The following AGA variants were observed in gnomAD, a reference collection of about 807,000 sequenced individuals.
The protein encoded by AGA is N(4)-(beta-N-acetylglucosaminyl)-L-asparaginase.
Under a neutral mutation model 40.1 loss-of-function variants are expected in AGA, and 31 were observed. The ratio of observed to expected loss-of-function variants is 0.77; its 90% confidence interval spans 0.58 to 1.04. The LOEUF (loss-of-function observed/expected upper bound fraction) is 1.04. Ranked by LOEUF, AGA falls within the 50% of genes least tolerant of loss-of-function variation. AGA has a pLI of 0.00. For missense variants in AGA, 445 were observed against 435.4 expected (o/e 1.02, Z -0.20); for synonymous variants, 148 against 144.0 (o/e 1.03, Z -0.20).
chr4:177,437,327 G>C (rs942536079), intron 5 of AGA, 78 bp downstream of exon 5: 4 of 988,232 alleles, frequency 4.0e-6, no homozygotes, highest in Non-Finnish European at 6.4e-6. Flanking sequence ...ATCAACTTCT[G>C]GTAGAAGAAT....
chr4:177,438,269 G>A (rs765276594), intron 4 of AGA, among the ~76,000 whole-genome samples: 2 of 152,016 alleles, frequency 1.3e-5, no homozygotes, highest in East Asian at 1.9e-4. Flanking sequence ...GACCCTGTAC[G>A]GCAAAGGCAA....
intron 8 of AGA, among the ~76,000 whole-genome samples, chr4:177,432,639 T>C (rs1736668112): frequency 6.6e-6 from 1 of 152,168 alleles, no homozygotes; most frequent in Non-Finnish European, 1.5e-5. Flanking sequence ...ATCTTCCCCA[T>C]CTGAAAATTC....
rs138699617 is a variant in AGA, at chr4:177,436,299, A to G, written c.675T>C (p.Asn225=). ...ACCCATGTATTTTGAATTTTATACC[A>G]TTTGTAGATGTACCAGCAGCAATAT... ...TGHIAAGTST[N]GIKFKIHGRV... is the part of the protein sequence containing the mutation. The change falls in exon 6 of 9, where the codon AAT becomes AAC. Residue 225 remains asparagine (N), a synonymous_variant. Transcript: ENST00000264595. 1.9e-4 allele frequency: 311 copies of G among 1,613,414 alleles called. No homozygotes were observed. In the African/African-American group the frequency reaches 3.8e-3, roughly 20 times the overall value.
Position 177,440,432 on chromosome 4 carries a change from A to G in AGA, c.128-6T>C. ...AGATGCTAATGCCCTCCACGCTGTT[A>G]ATCAAATCCCAATAATGCTTGTTTA... On this transcript the variant is annotated splice_polypyrimidine_tract_variant and splice_region_variant and intron_variant, in intron 1 of 8. Coordinates refer to ENST00000264595, the MANE Select transcript of AGA (RefSeq NM_000027.4). 1 of 1,613,628 alleles carries G rather than the reference A, an allele frequency of 6.2e-7. No individual in the cohort carries two copies. The highest frequency in any genetic ancestry group is 1.1e-5 in the South Asian group (1 of 91,068).
intron 6 of AGA, among the ~76,000 whole-genome samples, chr4:177,436,058 C>G (rs779903927): frequency 1.8e-4 from 27 of 152,140 alleles, no homozygotes; most frequent in Non-Finnish European, 2.8e-4. Flanking sequence ...CCTAACTACC[C>G]CAGCTTAAAG....
chr4:177,433,095 C>T (rs1218554422), intron 8 of AGA, 119 bp downstream of exon 8: 2 of 1,385,430 alleles, frequency 1.4e-6, no homozygotes, highest in South Asian at 1.2e-5. Context: ...ACTCAATGCC[C>T]ACTTAAGGAG....
At position 177,431,449 on chromosome 4, in the gene AGA, C is replaced by CAA. The variant is rs1736630330; in HGVS notation, c.*257_*258dup. ...TTTTTTGCAACACTGATCAGAAATC[C>CAA]AAGTGTCACTTAAAACTTAAATATA... On this transcript the variant is annotated 3_prime_UTR_variant, in exon 9 of 9. Transcript: ENST00000264595. The CAA allele has an allele frequency of 2.0e-6, 1 of 493,270 alleles. No individual in the cohort carries two copies. The highest frequency in any genetic ancestry group is 2.0e-5 in the African/African-American group (1 of 50,894). 30.6% of individuals were successfully genotyped at this position (493,270 alleles called of 1,614,324 possible).
Position 177,439,580 on chromosome 4 carries a change from C to G in AGA, c.390G>C (p.Glu130Asp), listed in dbSNP as rs770240412. The G allele has an allele frequency of 2.6e-5, 42 of 1,610,174 alleles. No individual in the cohort carries two copies. Among genetic ancestry groups the G allele is most frequent in the Non-Finnish European group, 3.3e-5 (39 of 1,176,462 alleles). The change falls in exon 3 of 9, where the codon GAG becomes GAC. Residue 130 changes from glutamate to aspartate, a missense_variant. Coordinates refer to ENST00000264595, the MANE Select transcript of AGA (RefSeq NM_000027.4). ...TCAGTGTAGTTAAAAAAATACCTGA[C>G]TCTCCTACTAAAAGTGTGTGTGTTG... ...EHTTHTLLVG[E>D]SATTFAQSMG...
At chr4:177,434,312 A>G (rs944359289) in intron 7 of AGA, 70 bp downstream of exon 7, 2 of 1,453,734 alleles carry the variant, frequency 1.4e-6, no homozygotes, top group East Asian at 4.5e-5. Context: ...CTCAAAAATT[A>G]TTTTCTATCT....
chr4:177,438,770 C>T lies in AGA; in HGVS notation c.482G>A (p.Arg161Gln), dbSNP rs192195150. ...SQALHSDWLA[R>Q]NCQPNYWRNV... ...CCTCCAATAATTTGGCTGGCAATTC[C>T]GAGCAAGCCAATCTGAATGAAGAGC... The change falls in exon 4 of 9, where the codon CGG (arginine) becomes CAG (glutamine). Residue 161 changes from arginine to glutamine, a missense_variant. Coordinates refer to ENST00000264595, the MANE Select transcript of AGA (RefSeq NM_000027.4). 3.6e-4 allele frequency: 579 copies of T among 1,606,712 alleles called. No homozygotes were observed. The highest frequency in any genetic ancestry group is 6.7e-5 in the Admixed American group (4 of 59,998).
intron 5 of AGA, 21 bp from the exon 6 acceptor site, chr4:177,436,372 ATCACTGTAGGTGT>A: frequency 6.4e-7 from 1 of 1,561,782 alleles, no homozygotes; most frequent in Non-Finnish European, 8.8e-7. Context: ...AAAAAAAAAA[ATCACTGTAGGTGT>A]ATAAAGTTTA....
Position 177,436,275 on chromosome 4 carries a change from C to A in AGA, c.698+1G>T, listed in dbSNP as rs1057517175. Reference sequence around the variant, plus strand: ...AGCTCTGTTCTTTTGGAAACACTAACCCATGTATTTTGAATTTTATACCAT... The same window carrying A: ...AGCTCTGTTCTTTTGGAAACACTAAACCATGTATTTTGAATTTTATACCAT... On this transcript the variant is annotated splice_donor_variant, in intron 6 of 8. Transcript: ENST00000264595. LOFTEE classifies it high-confidence loss of function. 16 of 1,608,378 alleles carry A rather than the reference C, an allele frequency of 9.9e-6. No individual in the cohort carries two copies. Among genetic ancestry groups the A allele is most frequent in the East Asian group, 6.7e-5 (3 of 44,842 alleles).
At chr4:177,433,994 C>T (rs1736712558) in intron 7 of AGA, among the ~76,000 whole-genome samples, 2 of 152,046 alleles carry the variant, frequency 1.3e-5, no homozygotes, top group Non-Finnish European at 2.9e-5. Flanking sequence ...ATTATGTTTT[C>T]TTTCTTTTAT....
At chr4:177,437,850 G>C (rs890987414) in intron 4 of AGA, among the ~76,000 whole-genome samples, 3 of 152,094 alleles carry the variant, frequency 2.0e-5, no homozygotes, top group African/African-American at 7.2e-5. Context: ...AATCCTTAAA[G>C]AAATTAGATA....
rs190693525 is a variant in AGA, at chr4:177,437,107, T to A, written c.622+298A>T. ...TAATGTAAATTTTCAACATTGTAAC[T>A]TGGAAAAAGTTATTTAAGGTCACTA... On this transcript the variant is annotated intron_variant, in intron 5 of 8. Transcript: ENST00000264595. 5.3e-5 allele frequency: 19 copies of A among 357,308 alleles called. No individual in the cohort carries two copies. In the East Asian group the frequency reaches 1.1e-3, roughly 21 times the overall value. The allele number at this position is 357,308 out of a possible 1,614,324, so 22.1% of individuals were successfully genotyped here.
chr4:177,437,821 T>C (rs962256488), intron 4 of AGA, among the ~76,000 whole-genome samples: 11 of 152,144 alleles, frequency 7.2e-5, no homozygotes, highest in Admixed American at 2.6e-4. Flanking sequence ...AATAGTAAAA[T>C]TTTTTAAAAT....
Position 177,440,250 on chromosome 4 carries a change from T to C in AGA, c.281+23A>G, listed in dbSNP as rs372881453. The C allele has an allele frequency of 3.9e-5, 63 of 1,613,618 alleles. No individual in the cohort carries two copies. The African/African-American group carries it at 5.7e-4, about 15-fold the overall frequency. On this transcript the variant is annotated intron_variant, in intron 2 of 8. Coordinates refer to ENST00000264595, the MANE Select transcript of AGA (RefSeq NM_000027.4). ...TCTAAATGTAACTCAACATAATAAA[T>C]AGGACCTGAACGGTGTTCTTACCCA...
rs34097231 is a variant in AGA, at chr4:177,435,076, A to AT, written c.699-588dup. Among the ~76,000 whole-genome samples the AT allele has an allele frequency of 4.5e-3, 661 of 146,040 alleles. 3 individuals are homozygous for AT. The highest frequency in any genetic ancestry group is 0.016 in the South Asian group (71 of 4,564). On this transcript the variant is annotated intron_variant, in intron 6 of 8. Coordinates refer to ENST00000264595, the MANE Select transcript of AGA (RefSeq NM_000027.4). Reference sequence around the variant, plus strand: ...CCACCAAGCTCAGCTAATTTTTTGTATTTTTTTTTTTTTCAGTAGAGACTG... The same window carrying AT: ...CCACCAAGCTCAGCTAATTTTTTGTATTTTTTTTTTTTTTCAGTAGAGACTG...
rs1736851186 is a variant in AGA, at chr4:177,437,206, T to C, written c.622+199A>G. 5.5e-6 allele frequency: 3 copies of C among 547,100 alleles called. No homozygotes were observed. In the East Asian group the frequency reaches 9.2e-5, roughly 17 times the overall value. 33.9% of individuals were successfully genotyped at this position (547,100 alleles called of 1,614,324 possible). ...TTAAAAATCCGCAAGTGAATAGTCA[T>C]TGGGTTTTAGGTGTCTTGTATAAAT... On this transcript the variant is annotated intron_variant, in intron 5 of 8. Coordinates refer to ENST00000264595, the MANE Select transcript of AGA (RefSeq NM_000027.4).
Sources: allele counts gnomAD v4.1 joint callset (sites outside exome capture counted in the v4.1 genomes callset), GRCh38; gene constraint gnomAD v4.1.1; transcripts MANE v1.5; gene names NCBI Gene and HGNC (gene_info 2026-07-23, HGNC 2026-07-21).